Variants in TACC3 observed in about 807,000 individuals in gnomAD.
The protein encoded by TACC3 is transforming acidic coiled-coil containing protein 3.
Under a neutral mutation model 86.0 loss-of-function variants are expected in TACC3, and 52 were observed. The ratio of observed to expected loss-of-function variants is 0.60; its 90% CI spans 0.48 to 0.76. The LOEUF (loss-of-function observed/expected upper bound fraction) is 0.76, where lower values mean the gene tolerates loss of function less well. Ranked by LOEUF, TACC3 falls within the 30% of genes least tolerant of loss-of-function variation. The pLI is 0.00. For missense variants in TACC3, 1,120 were observed against 1,070.4 expected, an observed-to-expected ratio of 1.05 and a Z score of -0.65; for synonymous variants, 512 against 430.0, an observed-to-expected ratio of 1.19 and a Z score of -2.36.
intron 10 of TACC3, chr4:1,738,000 T>G (rs1000818014): frequency 2.1e-6 from 1 of 475,304 alleles, no homozygotes; most frequent in Admixed American, 2.7e-5. Flanking sequence ...AGTGTGGTTC[T>G]TGCTGCCGTG....
At chr4:1,723,356 G>T in intron 1 of TACC3, 65 bp from the exon 2 acceptor site, 2 of 1,548,968 alleles carry the variant, frequency 1.3e-6, no homozygotes, top group Non-Finnish European at 1.8e-6. Context: ...CAGCTGTCAC[G>T]TCTGTGTCTG....
upstream of TACC3, chr4:1,720,766 G>T: frequency 1.3e-6 from 2 of 1,591,212 alleles, no homozygotes; most frequent in East Asian, 2.3e-5. This position sits in a 1 kb window ranked among gnomAD's most constrained non-coding sequence, Gnocchi z 4.4. Flanking sequence ...CGTGGAACTC[G>T]TTGGGCGTGA....
chr4:1,725,907 A>G (rs1283175538), intron 3 of TACC3, among the ~76,000 whole-genome samples: 1 of 152,262 alleles, frequency 6.6e-6, no homozygotes, highest in African/African-American at 2.4e-5. Flanking sequence ...GCAGCTGGGC[A>G]GCAGAGGAGT....
chr4:1,724,520 A>G (rs1344124470), intron 3 of TACC3, among the ~76,000 whole-genome samples: 1 of 148,822 alleles, frequency 6.7e-6, no homozygotes, highest in African/African-American at 2.5e-5. Context: ...CCTCCCGAGT[A>G]GCTGGGGCTA....
At position 1,744,574 on chromosome 4, in the gene TACC3, G is replaced by A. The variant is rs1464623403; in HGVS notation, c.2280G>A (p.Glu760=). ...ATTACCTGGCAAGGATCACCCAGGA[G>A]GGCCAGAGGTACCAAGCCCTGAAGG... ...VEDYLARITQ[E]GQRYQALKAH... The change falls in exon 14 of 16, where the codon GAG becomes GAA. Residue 760 remains glutamate, a synonymous_variant. Coordinates refer to ENST00000313288, the MANE Select transcript of TACC3 (RefSeq NM_006342.3). 3 of 1,613,296 alleles carry A rather than the reference G, an allele frequency of 1.9e-6. No individual in the cohort carries two copies. The highest frequency in any genetic ancestry group is 2.2e-5 in the South Asian group (2 of 91,086).
rs150355231 is a variant in TACC3 at position 1,735,823 on chromosome 4, C to A, written c.1737C>A (p.Thr579=). 155 of 1,594,074 alleles carry A rather than the reference C, an allele frequency of 9.7e-5. No individual in the cohort carries two copies. The Admixed American group carries it at 1.5e-3, about 15-fold the overall frequency. ...CTGGTAGACCAGTGCCCGTGGCCAC[C>A]GAGACCAGCAGGTATGTGCGCCGGC... ...DSPGRPVPVA[T]ETSSMHGANE... Residue 579 remains threonine, a synonymous_variant, in exon 8 of 16, where the codon ACC becomes ACA. Transcript: ENST00000313288. The surrounding 1 kb of genome is among the most constrained non-coding windows in gnomAD (Gnocchi z 4.2).
Position 1,737,345 on chromosome 4 carries a change from C to G in TACC3, c.1836+17C>G, listed in dbSNP as rs746063769. On this transcript the variant is annotated intron_variant, in intron 9 of 15. Coordinates refer to ENST00000313288, the MANE Select transcript of TACC3 (RefSeq NM_006342.3). ...GACATTCCTGTAAGTCCTTGAGTCC[C>G]TCTTGAACTGTCTTGTGTGTGGTCT... 1 of 1,608,798 alleles carries G rather than the reference C, an allele frequency of 6.2e-7. No individual in the cohort carries two copies. The highest frequency in any genetic ancestry group is 8.5e-7 in the Non-Finnish European group (1 of 1,175,218).
At position 1,737,601 on chromosome 4, in the gene TACC3, C is replaced by G. The variant is rs1403373016; in HGVS notation, c.1840C>G (p.Pro614Ala). The part of the protein sequence containing the change: ...DFLGALDIPV[P>A]GPPPGVPAPG... ...GTTTCATCCCCATCTCCCGCAGGTG[C>G]CAGGCCCACCCCCAGGTGTTCCCGC... Residue 614 changes from proline to alanine, a missense_variant, in exon 10 of 16, where the codon CCA becomes GCA. Physicochemically the swap from Pro to Ala is conservative, Grantham distance 27 (BLOSUM62 -1). Transcript: ENST00000313288. 2 of 1,508,340 alleles carry G rather than the reference C, an allele frequency of 1.3e-6. No homozygotes were observed. Among genetic ancestry groups the G allele is most frequent in the African/African-American group, 1.4e-5 (1 of 71,912 alleles). 93.4% of individuals were successfully genotyped at this position (1,508,340 alleles called of 1,614,324 possible).
intron 8 of TACC3, among the ~76,000 whole-genome samples, chr4:1,736,861 G>C (rs1268868181): frequency 1.3e-5 from 2 of 151,896 alleles, no homozygotes; most frequent in African/African-American, 2.4e-5. Flanking sequence ...AGGGAGCCGA[G>C]ATCATGCCAC....
chr4:1,728,371 T>A lies in TACC3; in HGVS notation c.969T>A (p.Ala323=). The part of the protein sequence containing the change: ...AMTLSPQEEV[A]AGQMASSSRS... ...CCCTGAGTCCTCAGGAAGAAGTGGC[T>A]GCAGGCCAAATGGCCAGCTCCTCGA... The change falls in exon 4 of 16, where the codon GCT becomes GCA. Residue 323 remains alanine, a synonymous_variant. Coordinates refer to ENST00000313288, the MANE Select transcript of TACC3 (RefSeq NM_006342.3). 1 of 1,613,114 alleles carries A rather than the reference T, an allele frequency of 6.2e-7. No homozygotes were observed.
rs766060689 is a variant in TACC3 at position 1,737,593 on chromosome 4, C to A, written c.1837-5C>A. On this transcript the variant is annotated splice_region_variant and splice_polypyrimidine_tract_variant and intron_variant, in intron 9 of 15. Transcript: ENST00000313288. ...GGGTTCCTGTTTCATCCCCATCTCC[C>A]GCAGGTGCCAGGCCCACCCCCAGGT... is the stretch of plus-strand genomic sequence containing the variant. The A allele has an allele frequency of 6.7e-7, 1 of 1,500,758 alleles. No individual in the cohort carries two copies. Among genetic ancestry groups the A allele is most frequent in the Non-Finnish European group, 8.9e-7 (1 of 1,120,054 alleles). 93.0% of individuals were successfully genotyped at this position (1,500,758 alleles called of 1,614,324 possible). A position where few individuals can be genotyped will look rare whatever the true frequency, so the allele number is the denominator to read the frequency against.
chr4:1,721,068 C>A (rs1717310180), upstream of TACC3: 1 of 291,138 alleles, frequency 3.4e-6, no homozygotes, highest in East Asian at 5.9e-5. Flanking sequence ...CGCCGCCCGG[C>A]CGCCCGCGGG....
chr4:1,721,135 G>A (rs1467654090), upstream of TACC3: 3 of 235,724 alleles, frequency 1.3e-5, no homozygotes, highest in East Asian at 3.1e-4. Flanking sequence ...TCTGGGAGAT[G>A]CAGTCCCCGT....
chr4:1,744,649 C>G, intron 14 of TACC3, 25 bp downstream of exon 14: 1 of 1,612,430 alleles, frequency 6.2e-7, no homozygotes, highest in Non-Finnish European at 8.5e-7. Context: ...AGGCCCCACC[C>G]TGGAGGGAGA....
chr4:1,732,640 G>A (rs540066240), intron 6 of TACC3, among the ~76,000 whole-genome samples: 82 of 152,328 alleles, frequency 5.4e-4, no homozygotes, highest in Non-Finnish European at 3.2e-4. Context: ...GGATAGTTGT[G>A]GGCCGCCACC....
intron 13 of TACC3, among the ~76,000 whole-genome samples, chr4:1,743,800 A>T (rs1248006763): frequency 6.6e-6 from 1 of 152,180 alleles, no homozygotes; most frequent in African/African-American, 2.4e-5. Context: ...AATTTTCCAC[A>T]GCAGAGAAAC....
chr4:1,742,178 C>G (rs1176585215), intron 13 of TACC3: 1 of 152,296 alleles, frequency 6.6e-6, no homozygotes, highest in Non-Finnish European at 1.5e-5. Flanking sequence ...CAGGTGGTGC[C>G]TCAGGTCTGC....
intron 6 of TACC3, among the ~76,000 whole-genome samples, chr4:1,732,975 A>G (rs1438010510): frequency 1.3e-5 from 2 of 152,224 alleles, no homozygotes; most frequent in Non-Finnish European, 2.9e-5. Flanking sequence ...GTCGCTGGTC[A>G]CAGTAACTCT....
intron 13 of TACC3, chr4:1,744,301 G>A (rs1040674919): frequency 9.0e-6 from 5 of 553,552 alleles, no homozygotes; most frequent in South Asian, 4.7e-5. Context: ...GTTCAGGCCC[G>A]GCATCTCAGG....
Sources: allele counts gnomAD v4.1 joint callset (sites outside exome capture counted in the v4.1 genomes callset), GRCh38; gene constraint gnomAD v4.1.1; non-coding constraint Gnocchi (gnomAD v3.1); transcripts MANE v1.5; gene names NCBI Gene and HGNC (gene_info 2026-07-23, HGNC 2026-07-21).